Variants in RAB38 observed in about 807,000 individuals in gnomAD.
The protein encoded by RAB38 is RAB38, member RAS oncogene family.
Under a neutral mutation model 18.4 loss-of-function variants are expected in RAB38, and 15 were observed. The ratio of observed to expected loss-of-function variants is 0.82; its 90% CI spans 0.55 to 1.26. The LOEUF is 1.26. Among genes scored for constraint, RAB38 ranks in the 50% most tolerant of loss-of-function variants. RAB38 has a pLI of 0.00. For missense variants in RAB38, 294 were observed against 267.4 expected, an observed-to-expected ratio of 1.10 and a Z score of -0.69; for synonymous variants, 101 against 104.4, an observed-to-expected ratio of 0.97 and a Z score of 0.20.
the RAB38 span, among the ~76,000 whole-genome samples, chr11:88,027,097 C>T: frequency 5.3e-5 from 8 of 152,040 alleles, no homozygotes; most frequent in South Asian, 2.1e-4. Flanking sequence ...ATAAAATAAA[C>T]GAAGATTTTA....
the RAB38 span, among the ~76,000 whole-genome samples, chr11:88,015,395 T>G: frequency 6.6e-6 from 1 of 152,192 alleles, no homozygotes; most frequent in Non-Finnish European, 1.5e-5. Flanking sequence ...TGACTACTCA[T>G]TGTAACCTTG....
the RAB38 span, among the ~76,000 whole-genome samples, chr11:88,027,105 T>C: frequency 6.6e-6 from 1 of 152,202 alleles, no homozygotes; most frequent in Non-Finnish European, 1.5e-5. Context: ...AACGAAGATT[T>C]TATAGATATT....
chr11:87,957,351 C>G, the RAB38 span, among the ~76,000 whole-genome samples: 1 of 151,768 alleles, frequency 6.6e-6, no homozygotes, highest in African/African-American at 2.4e-5. Flanking sequence ...TCTCATCCGT[C>G]ATAAGGGTCA....
chr11:87,902,400 T>C, the RAB38 span, among the ~76,000 whole-genome samples: 1 of 151,626 alleles, frequency 6.6e-6, no homozygotes, highest in African/African-American at 2.4e-5. Flanking sequence ...AAAGTAGAAA[T>C]AGATCAACTG....
chr11:87,876,934 C>T, the RAB38 span, among the ~76,000 whole-genome samples: 2 of 151,490 alleles, frequency 1.3e-5, no homozygotes, highest in Admixed American at 1.3e-4. Context: ...AGTAGAGAAT[C>T]CCAAAACAGC....
At chr11:88,028,061 C>T in the RAB38 span, among the ~76,000 whole-genome samples, 21 of 152,262 alleles carry the variant, frequency 1.4e-4, no homozygotes, top group South Asian at 3.5e-3. Context: ...CAGCAGCATG[C>T]ACGGTTCAAG....
At chr11:87,975,951 ACAAT>A in the RAB38 span, among the ~76,000 whole-genome samples, 427 of 151,584 alleles carry the variant, frequency 2.8e-3, 2 homozygotes, top group Non-Finnish European at 3.5e-3. Flanking sequence ...TGTTACAAGA[ACAAT>A]CAATCTCTTA....
intron 2 of RAB38, among the ~76,000 whole-genome samples, chr11:88,117,085 C>T (rs985529667): frequency 6.6e-6 from 1 of 152,082 alleles, no homozygotes; most frequent in African/African-American, 2.4e-5. Flanking sequence ...CCTAGGAGAG[C>T]GGACCATGAA....
chr11:87,880,992 G>A, the RAB38 span, among the ~76,000 whole-genome samples: 1 of 151,766 alleles, frequency 6.6e-6, no homozygotes, highest in Non-Finnish European at 1.5e-5. Context: ...ACTTTGTTTT[G>A]TTTTAGCAAC....
At chr11:88,136,039 G>A (rs1942830822) in intron 2 of RAB38, among the ~76,000 whole-genome samples, 1 of 152,196 alleles carries the variant, frequency 6.6e-6, no homozygotes, top group Non-Finnish European at 1.5e-5. Flanking sequence ...ACTTCATTTA[G>A]TTCAAGGAAA....
the RAB38 span, among the ~76,000 whole-genome samples, chr11:88,021,678 C>T: frequency 4.7e-5 from 7 of 150,122 alleles, no homozygotes; most frequent in African/African-American, 1.7e-4. Flanking sequence ...GCAACCTCTG[C>T]CTCTCGGGTT....
At chr11:87,888,658 T>C in the RAB38 span, among the ~76,000 whole-genome samples, 2 of 151,906 alleles carry the variant, frequency 1.3e-5, no homozygotes, top group African/African-American at 4.8e-5. Flanking sequence ...AGAAGGGACC[T>C]CCCTGCCTGC....
chr11:87,848,061 T>A, the RAB38 span, among the ~76,000 whole-genome samples: 1 of 152,152 alleles, frequency 6.6e-6, no homozygotes, highest in East Asian at 1.9e-4. Context: ...TCTACATTTT[T>A]TAAAAGGGTA....
At chr11:87,817,253 C>T in the RAB38 span, 1 of 152,204 alleles carries the variant, frequency 6.6e-6, no homozygotes, top group African/African-American at 2.4e-5. Flanking sequence ...GCTGGTTCCA[C>T]TCCAGAAAGA....
the RAB38 span, among the ~76,000 whole-genome samples, chr11:88,028,602 T>A: frequency 2.0e-5 from 3 of 152,124 alleles, no homozygotes; most frequent in Non-Finnish European, 4.4e-5. Flanking sequence ...CAGGAGCCGA[T>A]GCGATCAACT....
rs1357718009 is a variant in RAB38 at position 88,149,242 on chromosome 11, A to G, written c.483+433T>C. 3.3e-5 allele frequency among the ~76,000 whole-genome samples: 5 copies of G among 152,312 alleles called. No homozygotes were observed. The East Asian group carries it at 5.8e-4, about 18-fold the overall frequency. ...TGTTTGCCATCTTTTCTTTCCTAGG[A>G]GGAAGCACAATTCCTGATGTACAGG... On this transcript the variant is annotated intron_variant, in intron 2 of 2. Transcript: ENST00000243662.
chr11:88,084,107 G>GA, the RAB38 span, among the ~76,000 whole-genome samples: 6 of 151,970 alleles, frequency 3.9e-5, no homozygotes, highest in East Asian at 9.8e-4. Flanking sequence ...AGGTGCAGAG[G>GA]AAGTATACGG....
At chr11:87,805,737 A>G in the RAB38 span, among the ~76,000 whole-genome samples, 1 of 152,052 alleles carries the variant, frequency 6.6e-6, no homozygotes, top group Non-Finnish European at 1.5e-5. Flanking sequence ...ATACACACAC[A>G]TACATATATA....
the RAB38 span, among the ~76,000 whole-genome samples, chr11:88,040,186 A>G: frequency 6.6e-6 from 1 of 152,206 alleles, no homozygotes; most frequent in Non-Finnish European, 1.5e-5. Flanking sequence ...CTTAAACAAT[A>G]GAAATTTATG....
Sources: gnomAD v4.1 joint callset for allele counts (sites outside exome capture counted in the v4.1 genomes callset) on GRCh38, gnomAD v4.1.1 for gene constraint, MANE v1.5 for transcripts, NCBI Gene and HGNC (gene_info 2026-07-23, HGNC 2026-07-21) for gene names.